The following MCTP1 variants were observed in gnomAD, a reference collection of about 807,000 sequenced individuals.
MCTP1 encodes the protein multiple C2 and transmembrane domain containing 1.
MCTP1 carries 69 observed loss-of-function variants against 120.6 expected under a neutral mutation model. The ratio of observed to expected loss-of-function variants is 0.57; its 90% CI spans 0.47 to 0.70. The LOEUF is 0.70. Ranked by LOEUF, MCTP1 falls within the 30% of genes least tolerant of loss-of-function variation. The pLI, the probability that MCTP1 is intolerant of heterozygous loss-of-function variation, is 0.00. For synonymous variants in MCTP1, 529 were observed against 493.1 expected (o/e 1.07, Z -0.96); for missense variants, 1,203 against 1,248.8 (o/e 0.96, Z 0.55).
intron 5 of MCTP1, among the ~76,000 whole-genome samples, chr5:94,935,167 T>C (rs1028033530): frequency 6.6e-6 from 1 of 151,988 alleles, no homozygotes; most frequent in Non-Finnish European, 1.5e-5. Flanking sequence ...AATTTTTTTT[T>C]AAAGACTCAA....
In MCTP1 at chr5:95,160,549, A is replaced by T. The variant is rs140878598; in HGVS notation, c.720+123307T>A. Among the ~76,000 whole-genome samples, 49 of 152,120 alleles carry T rather than the reference A, an allele frequency of 3.2e-4. 1 individual carries two copies. The East Asian group carries it at 7.9e-3, about 25-fold the overall frequency. Reference sequence around the variant, plus strand: ...ATTTTTTGAGACATTGGTCTGGGCAAATATTTCTTAGATATAACCCCAAAA... The same window carrying T: ...ATTTTTTGAGACATTGGTCTGGGCATATATTTCTTAGATATAACCCCAAAA... On this transcript the variant is annotated intron_variant, in intron 1 of 22. Transcript: ENST00000515393.
At chr5:95,230,370 C>T (rs1014152977) in intron 1 of MCTP1, among the ~76,000 whole-genome samples, 2 of 152,078 alleles carry the variant, frequency 1.3e-5, no homozygotes, top group African/African-American at 2.4e-5. Context: ...AAGTGACTTG[C>T]GTAAGGTATG....
At chr5:94,963,647 T>C (rs1384398972) in intron 2 of MCTP1, among the ~76,000 whole-genome samples, 1 of 152,062 alleles carries the variant, frequency 6.6e-6, no homozygotes. Flanking sequence ...CCATTTTGTT[T>C]TGGTAATCGA....
At chr5:95,226,417 A>G (rs550681481) in intron 1 of MCTP1, among the ~76,000 whole-genome samples, 6 of 152,314 alleles carry the variant, frequency 3.9e-5, no homozygotes, top group African/African-American at 1.4e-4. Context: ...TACTTAAATG[A>G]GCAAAACTAA....
At chr5:94,836,195 A>AC in intron 17 of MCTP1, among the ~76,000 whole-genome samples, 1 of 151,254 alleles carries the variant, frequency 6.6e-6, no homozygotes, top group East Asian at 1.9e-4. Flanking sequence ...AAAAAAAAAA[A>AC]AAAAAAAAAA....
intron 1 of MCTP1, among the ~76,000 whole-genome samples, chr5:95,183,180 C>A (rs1175535263): frequency 1.3e-5 from 2 of 151,984 alleles, no homozygotes; most frequent in African/African-American, 4.8e-5. Flanking sequence ...TGTGCCAAGG[C>A]AATTCAAAGA....
intron 1 of MCTP1, among the ~76,000 whole-genome samples, chr5:95,077,860 T>C (rs887893540): frequency 1.3e-5 from 2 of 152,226 alleles, no homozygotes; most frequent in African/African-American, 2.4e-5. Context: ...TCATTCCACA[T>C]TGAAAACTAT....
intron 2 of MCTP1, among the ~76,000 whole-genome samples, chr5:94,975,049 C>T (rs1206674881): frequency 6.6e-6 from 1 of 152,052 alleles, no homozygotes; most frequent in African/African-American, 2.4e-5. Flanking sequence ...CTGTTATTCC[C>T]TTGCTTTTAA....
chr5:95,025,777 C>T (rs895297638), intron 1 of MCTP1, among the ~76,000 whole-genome samples: 1 of 152,304 alleles, frequency 6.6e-6, no homozygotes, highest in African/African-American at 2.4e-5. Context: ...AGGACCCAGC[C>T]TGATAATCAA....
At chr5:94,736,455 C>T (rs999763154) in intron 19 of MCTP1, among the ~76,000 whole-genome samples, 2 of 152,102 alleles carry the variant, frequency 1.3e-5, no homozygotes, top group Non-Finnish European at 2.9e-5. Flanking sequence ...TGCACTCCAG[C>T]CTGGGTGACA....
intron 19 of MCTP1, among the ~76,000 whole-genome samples, chr5:94,769,394 T>C (rs1773554971): frequency 6.6e-6 from 1 of 152,188 alleles, no homozygotes; most frequent in South Asian, 2.1e-4. Context: ...AAAGAAGTGA[T>C]AAATTTTTAA....
At chr5:94,733,629 C>A (rs1763554975) in intron 19 of MCTP1, among the ~76,000 whole-genome samples, 1 of 151,406 alleles carries the variant, frequency 6.6e-6, no homozygotes, top group African/African-American at 2.4e-5. Flanking sequence ...TCTGTAGTCA[C>A]CAACTTGGAA....
intron 12 of MCTP1, among the ~76,000 whole-genome samples, chr5:94,873,687 T>C (rs1012204155): frequency 3.3e-5 from 5 of 151,984 alleles, no homozygotes; most frequent in African/African-American, 1.2e-4. Context: ...CAGGGATTTC[T>C]AATCAAATTT....
chr5:94,817,548 A>T (rs2153088176), intron 17 of MCTP1, among the ~76,000 whole-genome samples: 1 of 152,348 alleles, frequency 6.6e-6, no homozygotes, highest in South Asian at 2.1e-4. Context: ...TGAAGCACTG[A>T]TTACTATAAA....
chr5:94,900,228 C>T (rs774247875), intron 10 of MCTP1, among the ~76,000 whole-genome samples: 1 of 152,184 alleles, frequency 6.6e-6, no homozygotes, highest in African/African-American at 2.4e-5. Context: ...GATGATGTAT[C>T]TCATTTTTGC....
chr5:95,255,678 T>C (rs1441982154), intron 1 of MCTP1, among the ~76,000 whole-genome samples: 1 of 152,132 alleles, frequency 6.6e-6, no homozygotes, highest in African/African-American at 2.4e-5. Flanking sequence ...CAGAAGATGG[T>C]GATTCATATT....
intron 1 of MCTP1, among the ~76,000 whole-genome samples, chr5:95,211,259 C>T (rs371392939): frequency 1.3e-5 from 2 of 152,146 alleles, no homozygotes; most frequent in Admixed American, 1.3e-4. Flanking sequence ...GGATAATATC[C>T]TGCAGAGTGT....
chr5:95,195,294 A>G (rs1169351938), intron 1 of MCTP1, among the ~76,000 whole-genome samples: 2 of 152,162 alleles, frequency 1.3e-5, no homozygotes, highest in Non-Finnish European at 2.9e-5. Context: ...TTGATACGCC[A>G]TATCTGCTTT....
At chr5:95,000,659 T>G (rs1331800613) in intron 2 of MCTP1, among the ~76,000 whole-genome samples, 2 of 152,198 alleles carry the variant, frequency 1.3e-5, no homozygotes, top group Non-Finnish European at 2.9e-5. Context: ...ATAATATGTT[T>G]GTGTTTTCAG....
Sources: allele counts gnomAD v4.1 joint callset (sites outside exome capture counted in the v4.1 genomes callset), GRCh38; gene constraint gnomAD v4.1.1; transcripts MANE v1.5; gene names NCBI Gene and HGNC (gene_info 2026-07-23, HGNC 2026-07-21).